The following AVEN variants were observed in gnomAD, a reference collection of about 807,000 sequenced individuals.
The protein encoded by AVEN is apoptosis and caspase activation inhibitor.
In AVEN, 41 loss-of-function variants were observed where a neutral mutation model predicts 38.1. The observed-to-expected ratio is 1.08, with a 90% CI of 0.84 to 1.40. AVEN has a LOEUF of 1.40. Among genes scored for constraint, AVEN ranks in the 40% most tolerant of loss-of-function variants. The pLI, the probability that AVEN is intolerant of heterozygous loss-of-function variation, is 0.00. For synonymous variants in AVEN, 206 were observed against 171.8 expected (o/e 1.20, Z -1.56); for missense variants, 605 against 438.8 (o/e 1.38, Z -3.38).
At chr15:34,069,217 T>A (rs1298060367) in intron 2 of AVEN, among the ~76,000 whole-genome samples, 1 of 151,930 alleles carries the variant, frequency 6.6e-6, no homozygotes, top group Non-Finnish European at 1.5e-5. Flanking sequence ...GTCAGGAGTT[T>A]GAGACCAGCC....
chr15:34,068,536 GATT>G (rs1340209863), intron 2 of AVEN, among the ~76,000 whole-genome samples: 1 of 152,034 alleles, frequency 6.6e-6, no homozygotes, highest in Non-Finnish European at 1.5e-5. Flanking sequence ...AGAAGGAGGA[GATT>G]ATTTTACATA....
intron 2 of AVEN, among the ~76,000 whole-genome samples, chr15:33,905,843 A>G (rs1200019154): frequency 3.6e-5 from 5 of 140,796 alleles, no homozygotes; most frequent in Admixed American, 7.1e-5. Flanking sequence ...AAAAAAAAAA[A>G]GGTAAAATTC....
chr15:33,868,544 CAAAAA>C lies in AVEN; in HGVS notation c.613-694_613-690del, dbSNP rs35851228. On this transcript the variant is annotated intron_variant, in intron 4 of 5. Coordinates refer to ENST00000306730, the MANE Select transcript of AVEN (RefSeq NM_020371.3). ...TGGGCAACAGAATGAGACTCCGTCT[CAAAAA>C]AAAAAAAAAAAAAAAAAAAGTCACC... Among the ~76,000 whole-genome samples the C allele has an allele frequency of 3.2e-3, 211 of 66,238 alleles. 1 individual carries two copies. Among genetic ancestry groups the C allele is most frequent in the African/African-American group, 9.3e-3 (205 of 21,978 alleles). The allele number at this position is 66,238 out of a possible 152,430, so 43.5% of individuals were successfully genotyped here. A position where few individuals can be genotyped will look rare whatever the true frequency, so the allele number is the denominator to read the frequency against.
intron 4 of AVEN, among the ~76,000 whole-genome samples, chr15:33,869,804 T>C (rs938110922): frequency 6.6e-6 from 1 of 151,376 alleles, no homozygotes; most frequent in African/African-American, 2.4e-5. Flanking sequence ...CTACTTAAAA[T>C]CAGTACGTCC....
intron 5 of AVEN, among the ~76,000 whole-genome samples, chr15:34,044,282 G>T (rs1476779916): frequency 6.6e-6 from 1 of 152,026 alleles, no homozygotes; most frequent in Non-Finnish European, 1.5e-5. Context: ...AAACAACTTA[G>T]CAAGTTTCAC....
At chr15:33,866,893 T>C (rs979976999) in intron 5 of AVEN, among the ~76,000 whole-genome samples, 165 bp from the exon 6 acceptor site, 1 of 152,218 alleles carries the variant, frequency 6.6e-6, no homozygotes, top group African/African-American at 2.4e-5. Flanking sequence ...GGGTAGAGGA[T>C]TTGCTCTTTA....
chr15:33,986,330 C>T (rs1400308834), intron 2 of AVEN, among the ~76,000 whole-genome samples: 2 of 151,906 alleles, frequency 1.3e-5, no homozygotes, highest in Non-Finnish European at 2.9e-5. Context: ...AGGATGGTCT[C>T]GATCTCCTGA....
chr15:33,912,951 G>A lies in AVEN; in HGVS notation c.446-36956C>T, dbSNP rs141676621. 3.9e-3 allele frequency among the ~76,000 whole-genome samples: 581 copies of A among 150,832 alleles called. 8 individuals are homozygous for A. The highest frequency in any genetic ancestry group is 0.029 in the South Asian group (138 of 4,784). On this transcript the variant is annotated intron_variant, in intron 2 of 5. Transcript: ENST00000306730. ...GTTGCCTAGGCTGGAGTGCAATGGCGCGATCTCGGCTCACCACAACCTCCG... is the reference window on the plus strand; with the variant it reads ...GTTGCCTAGGCTGGAGTGCAATGGCACGATCTCGGCTCACCACAACCTCCG...
downstream of AVEN, among the ~76,000 whole-genome samples, chr15:33,861,863 G>C (rs568641537): frequency 1.1e-4 from 17 of 152,064 alleles, no homozygotes; most frequent in Non-Finnish European, 2.1e-4. Flanking sequence ...GACCTCAGGT[G>C]ATCTGCCTGC....
At chr15:33,935,249 C>T (rs1247666384) in intron 2 of AVEN, among the ~76,000 whole-genome samples, 5 of 152,260 alleles carry the variant, frequency 3.3e-5, no homozygotes, top group Admixed American at 6.5e-5. Context: ...GTGGAAAATT[C>T]GAGGCATCTC....
At chr15:33,919,920 T>C (rs1393596145) in intron 2 of AVEN, among the ~76,000 whole-genome samples, 1 of 152,208 alleles carries the variant, frequency 6.6e-6, no homozygotes, top group Non-Finnish European at 1.5e-5. Context: ...TGTTTCCTAG[T>C]CTGATTACAA....
At chr15:33,896,143 T>A (rs1219969513) in intron 2 of AVEN, among the ~76,000 whole-genome samples, 1 of 152,184 alleles carries the variant, frequency 6.6e-6, no homozygotes, top group African/African-American at 2.4e-5. Context: ...ACATAGTATT[T>A]ATAGGAATAC....
At chr15:34,007,121 T>G in intron 1 of AVEN, 3 of 902,624 alleles carry the variant, frequency 3.3e-6, no homozygotes, top group Non-Finnish European at 4.0e-6. Flanking sequence ...GAAGACCTAT[T>G]ATATAATCAA....
chr15:34,006,771 CAA>C (rs1367389341), intron 1 of AVEN, among the ~76,000 whole-genome samples: 2 of 152,092 alleles, frequency 1.3e-5, no homozygotes, highest in Non-Finnish European at 2.9e-5. Flanking sequence ...CCTTCATTCA[CAA>C]GAGAGTAGTA....
intron 2 of AVEN, among the ~76,000 whole-genome samples, chr15:33,895,186 T>A (rs899504240): frequency 6.6e-6 from 1 of 152,194 alleles, no homozygotes; most frequent in Admixed American, 6.5e-5. Context: ...ATGTATTTTT[T>A]AAATCAGATT....
At position 33,867,782 on chromosome 15, in the gene AVEN, A is replaced by C; in HGVS notation, c.686T>G (p.Leu229Ter). ...TDDGKGLGMQ[L>*]KGPLGPGGRG... The stretch of plus-strand genomic sequence containing the variant: ...TCCTCCAGGCCCCAAGGGCCCCTTT[A>C]ACTGCATCCCTAATCCCTTGCCATC... Residue 229 changes from leucine (L) to a stop codon, truncating the protein, a stop_gained, in exon 5 of 6, where the codon TTA becomes TGA. Coordinates refer to ENST00000306730, the MANE Select transcript of AVEN (RefSeq NM_020371.3). LOFTEE classifies it high-confidence loss of function. The C allele has an allele frequency of 6.2e-7, 1 of 1,614,062 alleles. No individual in the cohort carries two copies. Among genetic ancestry groups the C allele is most frequent in the Non-Finnish European group, 8.5e-7 (1 of 1,179,974 alleles).
chr15:33,933,524 C>CACACACACACACACACACACAGAGAGAG (rs1893945145), intron 2 of AVEN, among the ~76,000 whole-genome samples: 1 of 46,584 alleles, frequency 2.1e-5, no homozygotes, highest in Admixed American at 3.1e-4. Flanking sequence ...CACACACACA[C>CACACACACACACACACACACAGAGAGAG]AGAGAGAGAG....
downstream of AVEN, among the ~76,000 whole-genome samples, chr15:33,862,264 G>A (rs2153021193): frequency 6.6e-6 from 1 of 152,306 alleles, no homozygotes; most frequent in South Asian, 2.1e-4. Context: ...CCAGGCTCGA[G>A]TGCAGTGGTA....
downstream of AVEN, among the ~76,000 whole-genome samples, chr15:33,862,146 T>A (rs888803184): frequency 2.0e-5 from 3 of 152,092 alleles, no homozygotes; most frequent in African/African-American, 7.2e-5. Flanking sequence ...AGAAAAAAAA[T>A]AAAATGCTGG....
Sources: allele counts gnomAD v4.1 joint callset (sites outside exome capture counted in the v4.1 genomes callset), GRCh38; gene constraint gnomAD v4.1.1; transcripts MANE v1.5; gene names NCBI Gene and HGNC (gene_info 2026-07-23, HGNC 2026-07-21).